Variants in DAW1 observed in about 807,000 individuals in gnomAD.
DAW1 encodes the protein dynein assembly factor with WD repeat domains 1.
DAW1 carries 47 observed loss-of-function variants against 56.5 expected under a neutral mutation model. The ratio of observed to expected loss-of-function variants is 0.83; its 90% CI spans 0.66 to 1.06. The LOEUF is 1.06. Among genes scored for constraint, DAW1 ranks in the 50% least tolerant of loss-of-function variants. The pLI is 0.00. For missense variants in DAW1, 505 were observed against 499.3 expected, an observed-to-expected ratio of 1.01 and a Z score of -0.11; for synonymous variants, 190 against 179.0, an observed-to-expected ratio of 1.06 and a Z score of -0.49.
chr2:227,878,075 A>G (rs1334210715), intron 1 of DAW1, among the ~76,000 whole-genome samples: 1 of 152,212 alleles, frequency 6.6e-6, no homozygotes, highest in Admixed American at 6.5e-5. Context: ...TTGTTAACTT[A>G]TTTGCTAAAA....
intron 5 of DAW1, among the ~76,000 whole-genome samples, chr2:227,896,593 AGTGTGTGTGTGTGT>A (rs5839240): frequency 1.9e-4 from 27 of 143,674 alleles, no homozygotes; most frequent in African/African-American, 6.7e-4. Flanking sequence ...AATAAGAGGG[AGTGTGTGTGTGTGT>A]GTGTGTGTGT....
Position 227,889,965 on chromosome 2 carries a change from G to A in DAW1, c.223G>A (p.Gly75Ser), listed in dbSNP as rs746336706. ...LLIQRLQEKL[G>S]QNSNHTFYLF... ...GATACAGAGGTTGCAAGAGAAACTC[G>A]GCCAGAACAGCAATCACACGTTCTA... The change falls in exon 3 of 13, where the codon GGC (glycine) becomes AGC (serine). Residue 75 changes from glycine to serine, a missense_variant. Physicochemically the swap from Gly to Ser is moderately conservative, Grantham distance 56. Coordinates refer to ENST00000309931, the MANE Select transcript of DAW1 (RefSeq NM_178821.3). 14 of 1,598,514 alleles carry A rather than the reference G, an allele frequency of 8.8e-6. No individual in the cohort carries two copies. The highest frequency in any genetic ancestry group is 4.6e-5 in the East Asian group (2 of 43,594).
chr2:227,902,877 G>A (rs907069596), intron 6 of DAW1, 125 bp from the exon 7 acceptor site: 35 of 951,754 alleles, frequency 3.7e-5, no homozygotes, highest in Middle Eastern at 2.2e-4. Flanking sequence ...TCACACATAC[G>A]TGGGGTTTTG....
intron 2 of DAW1, among the ~76,000 whole-genome samples, chr2:227,886,967 C>G (rs1406832649): frequency 6.6e-6 from 1 of 152,130 alleles, no homozygotes; most frequent in Non-Finnish European, 1.5e-5. Context: ...GCAAAAGGAG[C>G]TTTCTTATAT....
rs778169458 is a variant in DAW1, at chr2:227,906,282, T to G, written c.802T>G (p.Ser268Ala). 2 of 1,613,632 alleles carry G rather than the reference T, an allele frequency of 1.2e-6. No individual in the cohort carries two copies. The highest frequency in any genetic ancestry group is 3.3e-5 in the Admixed American group (2 of 59,990). The stretch of plus-strand genomic sequence containing the variant: ...TCATTGTGCTGAGATTAGCAGTGCC[T>G]CATTCAATTGGGATTGCTCTCTAAT... The part of the protein sequence containing the change: ...IGHCAEISSA[S>A]FNWDCSLILT... The change falls in exon 9 of 13, where the codon TCA becomes GCA. Residue 268 changes from serine to alanine, a missense_variant. Physicochemically the swap from Ser to Ala is moderately conservative, Grantham distance 99. Transcript: ENST00000309931.
rs1021210482 is a variant in DAW1 at position 227,921,701 on chromosome 2, T to A, written c.1213+140T>A. The A allele has an allele frequency of 1.0e-5, 9 of 858,746 alleles. No individual in the cohort carries two copies. The African/African-American group carries it at 1.5e-4, about 15-fold the overall frequency. 53.2% of individuals were successfully genotyped at this position (858,746 alleles called of 1,614,324 possible). Reference sequence around the variant, plus strand: ...AGCTCATCTTGGCCTGCCCTCATATTTTCATTATTTAATTTTAGTTTTATG... The same window carrying A: ...AGCTCATCTTGGCCTGCCCTCATATATTCATTATTTAATTTTAGTTTTATG... On this transcript the variant is annotated intron_variant, in intron 12 of 12. Transcript: ENST00000309931.
chr2:227,906,216 T>A lies in DAW1; in HGVS notation c.756-20T>A. On this transcript the variant is annotated intron_variant, in intron 8 of 12. Coordinates refer to ENST00000309931, the MANE Select transcript of DAW1 (RefSeq NM_178821.3). ...GAAGTAAGATATCTTTCACTAGTTT[T>A]AATTATTTTTGTGTTGTAGGAAGGT... The A allele has an allele frequency of 3.8e-6, 6 of 1,582,466 alleles. No individual in the cohort carries two copies. Among genetic ancestry groups the A allele is most frequent in the Non-Finnish European group, 5.2e-6 (6 of 1,156,212 alleles).
intron 3 of DAW1, 73 bp from the exon 4 acceptor site, chr2:227,891,182 C>A: frequency 1.5e-6 from 2 of 1,355,444 alleles, no homozygotes; most frequent in Non-Finnish European, 2.1e-6. Context: ...TGAATGTCTT[C>A]ATTGGTTTGA....
Position 227,909,449 on chromosome 2 carries a change from T to TAC in DAW1, c.973+2207_973+2208dup, listed in dbSNP as rs113015919. Among the ~76,000 whole-genome samples, 519 of 149,638 alleles carry TAC rather than the reference T, an allele frequency of 3.5e-3. 4 individuals carry two copies. Among genetic ancestry groups the TAC allele is most frequent in the African/African-American group, 0.012 (492 of 41,048 alleles). On this transcript the variant is annotated intron_variant, in intron 10 of 12. Coordinates refer to ENST00000309931, the MANE Select transcript of DAW1 (RefSeq NM_178821.3). The stretch of plus-strand genomic sequence containing the variant: ...TAGTATATAACCAATAGTATATAAA[T>TAC]ACACACACACATATATATAGTATAT...
At position 227,891,332 on chromosome 2, in the gene DAW1, G is replaced by T; in HGVS notation, c.317+19G>T. 6.2e-7 allele frequency: 1 copy of T among 1,608,040 alleles called. No homozygotes were observed. The highest frequency in any genetic ancestry group is 8.5e-7 in the Non-Finnish European group (1 of 1,175,538). ...GCTCATGGTAAGATTCTCTTTTTATGTCTAATTTTTAGCAGTGAAACAAAT... is the reference window on the plus strand; with the variant it reads ...GCTCATGGTAAGATTCTCTTTTTATTTCTAATTTTTAGCAGTGAAACAAAT... On this transcript the variant is annotated intron_variant, in intron 4 of 12. Coordinates refer to ENST00000309931, the MANE Select transcript of DAW1 (RefSeq NM_178821.3).
chr2:227,878,263 T>TTTG (rs1690931339), intron 1 of DAW1, among the ~76,000 whole-genome samples: 1 of 152,218 alleles, frequency 6.6e-6, no homozygotes, highest in African/African-American at 2.4e-5. Context: ...GTAAATACCC[T>TTTG]CATATATAAT....
chr2:227,921,539 T>C lies in DAW1; in HGVS notation c.1191T>C (p.Tyr397=). The C allele has an allele frequency of 6.2e-7, 1 of 1,613,944 alleles. No homozygotes were observed. Among genetic ancestry groups the C allele is most frequent in the South Asian group, 1.1e-5 (1 of 91,064 alleles). The part of the protein sequence containing the change: ...TDEIFSCAFN[Y]KGNIVITGSK... ...AAATCTTTTCATGTGCTTTCAACTA[T>C]AAAGGCAACATAGTCATTACAGGTA... is the stretch of plus-strand genomic sequence containing the variant. The change falls in exon 12 of 13, where the codon TAT becomes TAC. Residue 397 remains tyrosine (Y), a synonymous_variant. Transcript: ENST00000309931.
At chr2:227,886,418 AGCAGCCTG>A (rs1423157699) in intron 2 of DAW1, among the ~76,000 whole-genome samples, 1 of 152,268 alleles carries the variant, frequency 6.6e-6, no homozygotes, top group East Asian at 1.9e-4. Flanking sequence ...GGAGTTCGAG[AGCAGCCTG>A]GCCAATATGA....
chr2:227,916,236 A>C (rs1433939852), intron 10 of DAW1, among the ~76,000 whole-genome samples: 1 of 152,176 alleles, frequency 6.6e-6, no homozygotes, highest in Non-Finnish European at 1.5e-5. Context: ...ACAGCAGTAC[A>C]TTAATTTATA....
At chr2:227,903,230 G>C (rs934573492) in intron 7 of DAW1, 121 bp downstream of exon 7, 42 of 993,710 alleles carry the variant, frequency 4.2e-5, no homozygotes, top group Non-Finnish European at 5.9e-5. Context: ...AGTGGTGAAA[G>C]AGTGTCCCTA....
chr2:227,896,088 C>T (rs1202213691), intron 5 of DAW1, among the ~76,000 whole-genome samples: 1 of 152,106 alleles, frequency 6.6e-6, no homozygotes, highest in Non-Finnish European at 1.5e-5. Flanking sequence ...ATTGTGATGG[C>T]ACCAACTTAA....
chr2:227,917,266 CTT>C (rs111771960), intron 10 of DAW1, among the ~76,000 whole-genome samples: 87 of 142,252 alleles, frequency 6.1e-4, no homozygotes, highest in Non-Finnish European at 6.4e-4. Flanking sequence ...TTTTTTGTTT[CTT>C]TTTTTTTTTT....
intron 6 of DAW1, among the ~76,000 whole-genome samples, chr2:227,901,193 C>T (rs1173205058): frequency 6.6e-6 from 1 of 152,108 alleles, no homozygotes; most frequent in East Asian, 1.9e-4. Flanking sequence ...GTGAGTAGAA[C>T]TTGGTTACTA....
chr2:227,912,476 TA>T, intron 10 of DAW1: 2 of 1,303,318 alleles, frequency 1.5e-6, no homozygotes, highest in South Asian at 2.5e-5. Flanking sequence ...TATGGTATGC[TA>T]CATGCTGTGT....
Sources: allele counts gnomAD v4.1 joint callset (sites outside exome capture counted in the v4.1 genomes callset), GRCh38; gene constraint gnomAD v4.1.1; transcripts MANE v1.5; gene names NCBI Gene and HGNC (gene_info 2026-07-23, HGNC 2026-07-21).